Variants in HS6ST3 observed in about 807,000 individuals in gnomAD.
The protein encoded by HS6ST3 is heparan sulfate 6-O-sulfotransferase 3, also known as heparan-sulfate 6-O-sulfotransferase 3.
A neutral mutation model predicts 36.7 loss-of-function variants in HS6ST3; 12 were observed. That is an observed-to-expected ratio of 0.33 (90% CI 0.21 to 0.53). The LOEUF (loss-of-function observed/expected upper bound fraction) is 0.53. HS6ST3 is among the 20% of genes least tolerant of loss of function. The pLI, the probability that HS6ST3 is intolerant of heterozygous loss-of-function variation, is 0.95. For synonymous variants in HS6ST3, 240 were observed against 257.5 expected, an observed-to-expected ratio of 0.93 and a Z score of 0.65; for missense variants, 584 against 640.9, an observed-to-expected ratio of 0.91 and a Z score of 0.96.
chr13:96,385,384 C>T (rs2055362623), intron 1 of HS6ST3, among the ~76,000 whole-genome samples: 1 of 152,040 alleles, frequency 6.6e-6, no homozygotes, highest in African/African-American at 2.4e-5. Flanking sequence ...TTCATACTGC[C>T]ACACAGCATT....
chr13:96,178,828 A>G (rs1421415668), intron 1 of HS6ST3, among the ~76,000 whole-genome samples: 1 of 152,180 alleles, frequency 6.6e-6, no homozygotes, highest in Non-Finnish European at 1.5e-5. Flanking sequence ...TGCCCCATTG[A>G]GCACATATCT....
intron 1 of HS6ST3, among the ~76,000 whole-genome samples, chr13:96,656,352 T>G (rs549051775): frequency 1.3e-5 from 2 of 152,298 alleles, no homozygotes; most frequent in South Asian, 2.1e-4. Flanking sequence ...ATTCCAGTTA[T>G]GTCACATACC....
intron 1 of HS6ST3, among the ~76,000 whole-genome samples, chr13:96,395,843 G>A (rs2055418364): frequency 1.3e-5 from 2 of 152,064 alleles, no homozygotes; most frequent in Admixed American, 1.3e-4. Context: ...GGGGATACAA[G>A]GAGGGAGAGA....
intron 1 of HS6ST3, among the ~76,000 whole-genome samples, chr13:96,675,729 G>T (rs1294878633): frequency 6.6e-6 from 1 of 152,156 alleles, no homozygotes; most frequent in Non-Finnish European, 1.5e-5. Context: ...ATTATTGTAA[G>T]GCAAAAAATG....
chr13:96,448,435 C>A (rs1185723979), intron 1 of HS6ST3, among the ~76,000 whole-genome samples: 1 of 152,112 alleles, frequency 6.6e-6, no homozygotes, highest in African/African-American at 2.4e-5. Flanking sequence ...CCAAATGCAC[C>A]GCATGCTCAT....
At chr13:96,164,918 C>T (rs943975062) in intron 1 of HS6ST3, among the ~76,000 whole-genome samples, 6 of 152,122 alleles carry the variant, frequency 3.9e-5, no homozygotes, top group African/African-American at 9.6e-5. Flanking sequence ...GATAAAACCA[C>T]GGATACATAT....
At chr13:96,243,920 G>A (rs2054573017) in intron 1 of HS6ST3, among the ~76,000 whole-genome samples, 1 of 150,586 alleles carries the variant, frequency 6.6e-6, no homozygotes, top group Admixed American at 6.6e-5. Flanking sequence ...TGGAAAGGGG[G>A]GCTGCCTAGA....
intron 1 of HS6ST3, among the ~76,000 whole-genome samples, chr13:96,431,285 A>C (rs1438206428): frequency 6.6e-6 from 1 of 152,096 alleles, no homozygotes; most frequent in African/African-American, 2.4e-5. Context: ...CCAAACAGAA[A>C]AAGGAAATTA....
chr13:96,292,954 G>A (rs555785731), intron 1 of HS6ST3, among the ~76,000 whole-genome samples: 1 of 152,028 alleles, frequency 6.6e-6, no homozygotes, highest in South Asian at 2.1e-4. Flanking sequence ...CATATATTTA[G>A]TTCACAACTA....
At chr13:96,588,943 C>T (rs1034221213) in intron 1 of HS6ST3, among the ~76,000 whole-genome samples, 3 of 151,554 alleles carry the variant, frequency 2.0e-5, no homozygotes, top group Non-Finnish European at 2.9e-5. Flanking sequence ...CCCAGCTACT[C>T]CAGAGGCTGA....
intron 1 of HS6ST3, among the ~76,000 whole-genome samples, chr13:96,381,639 A>G (rs769273517): frequency 3.9e-5 from 6 of 152,058 alleles, no homozygotes; most frequent in Non-Finnish European, 7.4e-5. Flanking sequence ...GATATTTCTC[A>G]CTAAGTGCTC....
At chr13:96,179,149 A>G (rs934842017) in intron 1 of HS6ST3, among the ~76,000 whole-genome samples, 2 of 152,200 alleles carry the variant, frequency 1.3e-5, no homozygotes, top group African/African-American at 2.4e-5. Flanking sequence ...CTCTCAAAAT[A>G]GTGGGTAGAA....
intron 1 of HS6ST3, among the ~76,000 whole-genome samples, chr13:96,826,634 A>G (rs1878654021): frequency 6.6e-6 from 1 of 152,192 alleles, no homozygotes; most frequent in African/African-American, 2.4e-5. Context: ...TGGTCCAGGG[A>G]AGATATGCAG....
chr13:96,651,742 T>A (rs1308979670), intron 1 of HS6ST3, among the ~76,000 whole-genome samples: 1 of 152,118 alleles, frequency 6.6e-6, no homozygotes, highest in Non-Finnish European at 1.5e-5. Context: ...TTGCCTCATA[T>A]TACTTCGTTT....
intron 1 of HS6ST3, among the ~76,000 whole-genome samples, chr13:96,647,147 C>A (rs1458025040): frequency 6.6e-6 from 1 of 151,896 alleles, no homozygotes; most frequent in Non-Finnish European, 1.5e-5. Context: ...CAGCCCAAAG[C>A]AAATCTGCTA....
chr13:96,457,311 G>A (rs1324998686), intron 1 of HS6ST3, among the ~76,000 whole-genome samples: 1 of 151,902 alleles, frequency 6.6e-6, no homozygotes, highest in Non-Finnish European at 1.5e-5. Context: ...ATGCCAGGAT[G>A]GACTACTTTA....
At chr13:96,315,833 C>T (rs1404028611) in intron 1 of HS6ST3, among the ~76,000 whole-genome samples, 3 of 151,906 alleles carry the variant, frequency 2.0e-5, no homozygotes, top group Non-Finnish European at 2.9e-5. Flanking sequence ...AAATAGATAC[C>T]CAAGGGAGAT....
chr13:96,385,652 C>T (rs915721680), intron 1 of HS6ST3, among the ~76,000 whole-genome samples: 1 of 152,098 alleles, frequency 6.6e-6, no homozygotes, highest in Non-Finnish European at 1.5e-5. Context: ...TTGTCCATCT[C>T]TTAAGCATTC....
At chr13:96,515,753 G>GT (rs2056069837) in intron 1 of HS6ST3, among the ~76,000 whole-genome samples, 1 of 152,138 alleles carries the variant, frequency 6.6e-6, no homozygotes, top group Admixed American at 6.5e-5. Flanking sequence ...TGCCATGATT[G>GT]TAAGTTTCCT....
Sources: gnomAD v4.1 joint callset for allele counts (sites outside exome capture counted in the v4.1 genomes callset) on GRCh38, gnomAD v4.1.1 for gene constraint, MANE v1.5 for transcripts, NCBI Gene and HGNC (gene_info 2026-07-23, HGNC 2026-07-21) for gene names.